BSPRY: variants seen among roughly 807,000 people sequenced by gnomAD.
BSPRY encodes the protein B box and SPRY domain-containing protein.
Under a neutral mutation model 38.0 loss-of-function variants are expected in BSPRY, and 33 were observed. The ratio of observed to expected loss-of-function variants is 0.87; its 90% confidence interval spans 0.66 to 1.16. BSPRY has a LOEUF of 1.16. Among genes scored for constraint, BSPRY ranks in the 50% most tolerant of loss-of-function variants. BSPRY has a pLI of 0.00. For synonymous variants in BSPRY, 224 were observed against 228.5 expected (o/e 0.98, Z 0.18); for missense variants, 523 against 533.2 (o/e 0.98, Z 0.19).
chr9:113,369,553 C>G, intron 5 of BSPRY, 63 bp from the exon 6 acceptor site: 1 of 1,515,216 alleles, frequency 6.6e-7, no homozygotes, highest in South Asian at 1.3e-5. Flanking sequence ...CCTTTTGCTA[C>G]CTGGCAGGAC....
At chr9:113,365,441 G>C (rs1457605173) in intron 4 of BSPRY, among the ~76,000 whole-genome samples, 1 of 152,028 alleles carries the variant, frequency 6.6e-6, no homozygotes, top group Non-Finnish European at 1.5e-5. Context: ...TCCCAGATTT[G>C]GCCTGTAGAA....
At chr9:113,363,371 G>T (rs1334271871) in intron 4 of BSPRY, among the ~76,000 whole-genome samples, 1 of 152,154 alleles carries the variant, frequency 6.6e-6, no homozygotes, top group Non-Finnish European at 1.5e-5. Flanking sequence ...GAACCTGGGT[G>T]GTTGAGGCTA....
intron 2 of BSPRY, among the ~76,000 whole-genome samples, chr9:113,358,005 G>C (rs1161564990): frequency 1.4e-5 from 2 of 141,830 alleles, no homozygotes; most frequent in Non-Finnish European, 3.1e-5. Flanking sequence ...CCAGCACTTT[G>C]GGAGGCCAAG....
rs911453647 is a variant in BSPRY, at chr9:113,370,218, A to G, written c.*76A>G. ...GTTTCTACTCAGTGTGCTTTTCCCA[A>G]ATGATGTGTGTGGTGTTTCTAAGAG... On this transcript the variant is annotated 3_prime_UTR_variant, in exon 6 of 6. Transcript: ENST00000374183. This position sits in a 1 kb window ranked among gnomAD's most constrained non-coding sequence, Gnocchi z 4.8. 1 of 1,471,940 alleles carries G rather than the reference A, an allele frequency of 6.8e-7. No homozygotes were observed. The highest frequency in any genetic ancestry group is 9.1e-7 in the Non-Finnish European group (1 of 1,096,742). 91.2% of individuals were successfully genotyped at this position (1,471,940 alleles called of 1,614,324 possible). A position where few individuals can be genotyped will look rare whatever the true frequency, so the allele number is the denominator to read the frequency against.
chr9:113,358,558 G>A (rs948111753), intron 2 of BSPRY, among the ~76,000 whole-genome samples: 6 of 152,094 alleles, frequency 3.9e-5, no homozygotes, highest in African/African-American at 1.2e-4. Flanking sequence ...ATGAGCCACC[G>A]TGTCCAGCCA....
At chr9:113,349,886 C>T (rs1237468167) in intron 1 of BSPRY, 106 bp downstream of exon 1, 4 of 1,180,250 alleles carry the variant, frequency 3.4e-6, no homozygotes, top group African/African-American at 3.2e-5. Context: ...ACTCGACACC[C>T]GGCCCCGGAG....
chr9:113,365,288 T>A (rs570483268), intron 4 of BSPRY, among the ~76,000 whole-genome samples: 1 of 152,224 alleles, frequency 6.6e-6, no homozygotes, highest in African/African-American at 2.4e-5. Flanking sequence ...AGTTTTAGCA[T>A]CCATTGGTCA....
chr9:113,349,724 G>A lies in BSPRY; in HGVS notation c.145G>A (p.Gly49Ser). ...PVCAACAGLG[G>S]RCRGHRIRRA... Reference sequence around the variant, plus strand: ...GTGCGCCGCCTGCGCGGGGTTGGGCGGTCGCTGCCGGGGGCACCGCATCCG... The same window carrying A: ...GTGCGCCGCCTGCGCGGGGTTGGGCAGTCGCTGCCGGGGGCACCGCATCCG... The change falls in exon 1 of 6, where the codon GGT (glycine) becomes AGT (serine). Residue 49 changes from glycine to serine, a missense_variant. By Grantham distance (56) the Gly-to-Ser change is moderately conservative. Coordinates refer to ENST00000374183, the MANE Select transcript of BSPRY (RefSeq NM_017688.3). 8.1e-7 allele frequency: 1 copy of A among 1,239,770 alleles called. No individual in the cohort carries two copies. The highest frequency in any genetic ancestry group is 1.0e-6 in the Non-Finnish European group (1 of 994,052). 76.8% of individuals were successfully genotyped at this position (1,239,770 alleles called of 1,614,324 possible).
intron 1 of BSPRY, among the ~76,000 whole-genome samples, chr9:113,353,513 G>C (rs570012758): frequency 6.6e-6 from 1 of 151,874 alleles, no homozygotes; most frequent in African/African-American, 2.4e-5. Context: ...AACCAGCCTG[G>C]CCAACATGGT....
rs34808144 is a variant in BSPRY, at chr9:113,363,282, C to CA, written c.557+898dup. 2.5e-3 allele frequency among the ~76,000 whole-genome samples: 286 copies of CA among 113,708 alleles called. 1 individual carries two copies. Among genetic ancestry groups the CA allele is most frequent in the Admixed American group, 5.5e-3 (63 of 11,538 alleles). The allele number at this position is 113,708 out of a possible 152,430, so 74.6% of individuals were successfully genotyped here. On this transcript the variant is annotated intron_variant, in intron 4 of 5. Transcript: ENST00000374183. ...GCAATACAATAAGACCTGATATCTA[C>CA]AAAAAAAAAATTAGCCATGCTTCGT...
intron 5 of BSPRY, 131 bp from the exon 6 acceptor site, chr9:113,369,485 A>G: frequency 2.2e-6 from 2 of 917,654 alleles, no homozygotes; most frequent in Non-Finnish European, 3.3e-6. Flanking sequence ...TTTGCAGACA[A>G]GGCTCAGAGA....
chr9:113,356,324 G>T (rs1834057188), intron 2 of BSPRY, among the ~76,000 whole-genome samples: 1 of 152,076 alleles, frequency 6.6e-6, no homozygotes, highest in South Asian at 2.1e-4. Context: ...CTAACGCGGT[G>T]AAACCCCGTC....
intron 2 of BSPRY, among the ~76,000 whole-genome samples, chr9:113,356,137 A>G (rs530713350): frequency 1.4e-4 from 22 of 152,278 alleles, no homozygotes; most frequent in African/African-American, 5.1e-4. Context: ...GATATGTGCT[A>G]TGGGGAAATA....
intron 1 of BSPRY, among the ~76,000 whole-genome samples, chr9:113,351,793 A>T (rs1833976482): frequency 6.6e-6 from 1 of 150,538 alleles, no homozygotes; most frequent in African/African-American, 2.4e-5. Context: ...TTTTTTTTTA[A>T]AATTTATTTA....
At chr9:113,351,537 A>C (rs1471018012) in intron 1 of BSPRY, among the ~76,000 whole-genome samples, 1 of 152,126 alleles carries the variant, frequency 6.6e-6, no homozygotes, top group Non-Finnish European at 1.5e-5. Flanking sequence ...GGACCTATGA[A>C]ATGTAACTAA....
At chr9:113,350,337 T>G (rs913902115) in intron 1 of BSPRY, among the ~76,000 whole-genome samples, 1 of 152,104 alleles carries the variant, frequency 6.6e-6, no homozygotes, top group East Asian at 1.9e-4. Context: ...CCCTTCTGGC[T>G]TCTGGTGCGG....
At chr9:113,356,064 A>T (rs1834053028) in intron 2 of BSPRY, among the ~76,000 whole-genome samples, 1 of 152,248 alleles carries the variant, frequency 6.6e-6, no homozygotes, top group South Asian at 2.1e-4. Context: ...TCCTATTTTC[A>T]TGAAGCCTAC....
intron 4 of BSPRY, among the ~76,000 whole-genome samples, chr9:113,363,127 C>T (rs936121415): frequency 2.8e-4 from 42 of 151,916 alleles, no homozygotes; most frequent in African/African-American, 9.9e-4. Context: ...AAAAAAAATC[C>T]ACCAATATAA....
At chr9:113,357,886 CTATATA>C (rs59328879) in intron 2 of BSPRY, among the ~76,000 whole-genome samples, 139 of 96,734 alleles carry the variant, frequency 1.4e-3, no homozygotes, top group Non-Finnish European at 2.0e-3. Context: ...CTGTAGAGTT[CTATATA>C]TATATATATA....
Sources: gnomAD v4.1 joint callset for allele counts (sites outside exome capture counted in the v4.1 genomes callset) on GRCh38, gnomAD v4.1.1 for gene constraint, Gnocchi (gnomAD v3.1) non-coding constraint, MANE v1.5 for transcripts, NCBI Gene and HGNC (gene_info 2026-07-23, HGNC 2026-07-21) for gene names.